The following RALYL variants were observed in gnomAD, a reference collection of about 807,000 sequenced individuals.
RALYL encodes RNA-binding Raly-like protein.
A neutral mutation model predicts 35.1 loss-of-function variants in RALYL; 29 were observed. The ratio of observed to expected loss-of-function variants is 0.83; its 90% confidence interval spans 0.61 to 1.13. The LOEUF (loss-of-function observed/expected upper bound fraction) is 1.13. Among genes scored for constraint, RALYL ranks in the 50% most tolerant of loss-of-function variants. The pLI, the probability that RALYL is intolerant of heterozygous loss-of-function variation, is 0.00. For synonymous variants in RALYL, 120 were observed against 127.6 expected, an observed-to-expected ratio of 0.94 and a Z score of 0.40; for missense variants, 359 against 360.4, an observed-to-expected ratio of 1.00 and a Z score of 0.03.
chr8:84,650,313 A>T (rs908691971), intron 2 of RALYL, among the ~76,000 whole-genome samples: 10 of 152,014 alleles, frequency 6.6e-5, no homozygotes, highest in Non-Finnish European at 1.3e-4. Flanking sequence ...AATTTTTGCA[A>T]CCTACTCATC....
intron 3 of RALYL, among the ~76,000 whole-genome samples, chr8:84,776,682 G>A (rs1317495070): frequency 6.6e-6 from 1 of 151,986 alleles, no homozygotes; most frequent in African/African-American, 2.4e-5. Context: ...TCAAAGAGTT[G>A]CTACTGTCTG....
In RALYL at chr8:84,252,426, G is replaced by A. The variant is rs906647329; in HGVS notation, c.-24+68002G>A. Among the ~76,000 whole-genome samples, 6 of 152,122 alleles carry A rather than the reference G, an allele frequency of 3.9e-5. No homozygotes were observed. The East Asian group carries it at 5.8e-4, about 15-fold the overall frequency. ...TAGAGGTTAAAGAAAACTCACAAAC[G>A]CCTACACGGTACAAGCTGGAAATGT... is the stretch of plus-strand genomic sequence containing the variant. On this transcript the variant is annotated intron_variant, in intron 1 of 8. Coordinates refer to ENST00000521268, the MANE Select transcript of RALYL (RefSeq NM_173848.7).
At chr8:84,331,974 G>A (rs543519265) in intron 1 of RALYL, among the ~76,000 whole-genome samples, 200 of 152,094 alleles carry the variant, frequency 1.3e-3, no homozygotes, top group Non-Finnish European at 2.3e-3. Flanking sequence ...TTTATGTTAC[G>A]AGGTTCTTAA....
chr8:84,608,265 ATGT>A (rs1817586832), intron 2 of RALYL, among the ~76,000 whole-genome samples: 1 of 151,952 alleles, frequency 6.6e-6, no homozygotes, highest in Admixed American at 6.6e-5. Flanking sequence ...CTGTTGGTGG[ATGT>A]TGTGGGCTTG....
chr8:84,701,100 G>C (rs1388908089), intron 2 of RALYL, among the ~76,000 whole-genome samples: 2 of 152,122 alleles, frequency 1.3e-5, no homozygotes, highest in East Asian at 3.9e-4. Context: ...CATCAGGGGC[G>C]CTGGGTGATA....
At chr8:84,406,577 G>A (rs112453685) in intron 1 of RALYL, among the ~76,000 whole-genome samples, 4,475 of 151,862 alleles carry the variant, frequency 0.029, 219 homozygotes, top group African/African-American at 0.1. Context: ...GCACTTCTGG[G>A]CATTTTCTTT....
intron 1 of RALYL, among the ~76,000 whole-genome samples, chr8:84,390,015 C>T (rs1860250640): frequency 6.6e-6 from 1 of 151,932 alleles, no homozygotes; most frequent in Non-Finnish European, 1.5e-5. Context: ...TGAGATACGT[C>T]CCATCAATAC....
intron 1 of RALYL, among the ~76,000 whole-genome samples, chr8:84,512,786 T>C (rs1564063700): frequency 6.6e-6 from 1 of 152,200 alleles, no homozygotes; most frequent in Non-Finnish European, 1.5e-5. Flanking sequence ...GAAGAGGGTG[T>C]ACTTTCTCCA....
chr8:84,413,049 T>C (rs1373124841), intron 1 of RALYL, among the ~76,000 whole-genome samples: 1 of 151,312 alleles, frequency 6.6e-6, no homozygotes, highest in Non-Finnish European at 1.5e-5. Flanking sequence ...ATTAAATGCT[T>C]ACTATCATCC....
chr8:84,590,539 G>A (rs549830399), intron 2 of RALYL, among the ~76,000 whole-genome samples: 3 of 152,202 alleles, frequency 2.0e-5, no homozygotes, highest in Non-Finnish European at 4.4e-5. Flanking sequence ...CTCATTCTCA[G>A]TTGAGAAGGA....
chr8:84,469,474 C>A (rs1267987254), intron 1 of RALYL, among the ~76,000 whole-genome samples: 1 of 152,168 alleles, frequency 6.6e-6, no homozygotes, highest in Non-Finnish European at 1.5e-5. Context: ...GGGACAGGGA[C>A]CCACTTGAGG....
At chr8:84,426,675 C>T (rs186051552) in intron 1 of RALYL, among the ~76,000 whole-genome samples, 11 of 151,942 alleles carry the variant, frequency 7.2e-5, no homozygotes, top group Non-Finnish European at 1.2e-4. Context: ...GACATTTTTT[C>T]AAAAGAAGAC....
At chr8:84,627,041 C>CTT (rs1822888102) in intron 2 of RALYL, among the ~76,000 whole-genome samples, 1 of 152,062 alleles carries the variant, frequency 6.6e-6, no homozygotes, top group Non-Finnish European at 1.5e-5. Flanking sequence ...ATTTATACTG[C>CTT]CTCTGGTACA....
intron 1 of RALYL, among the ~76,000 whole-genome samples, chr8:84,376,001 A>T (rs922438447): frequency 3.3e-5 from 5 of 151,914 alleles, no homozygotes; most frequent in Non-Finnish European, 7.4e-5. Context: ...TCCGAAAGTG[A>T]AAAGCTTCTA....
chr8:84,869,939 T>G (rs565922307), intron 6 of RALYL, among the ~76,000 whole-genome samples: 1 of 152,276 alleles, frequency 6.6e-6, no homozygotes, highest in South Asian at 2.1e-4. Flanking sequence ...TGTATCAGAA[T>G]GTAATAACAT....
chr8:84,754,976 C>T (rs1314643995), intron 2 of RALYL, among the ~76,000 whole-genome samples: 1 of 152,132 alleles, frequency 6.6e-6, no homozygotes, highest in African/African-American at 2.4e-5. Flanking sequence ...AGTTTGCAGT[C>T]TTACAAGAAG....
At chr8:84,214,535 G>A (rs988376399) in intron 1 of RALYL, among the ~76,000 whole-genome samples, 1 of 151,860 alleles carries the variant, frequency 6.6e-6, no homozygotes, top group African/African-American at 2.4e-5. Context: ...GACTTATTTT[G>A]CCCTTTTAGT....
chr8:84,459,578 A>C (rs2050514017), intron 1 of RALYL, among the ~76,000 whole-genome samples: 1 of 151,794 alleles, frequency 6.6e-6, no homozygotes, highest in Non-Finnish European at 1.5e-5. Context: ...TGTCCTTTGC[A>C]ATGGAGGAAT....
intron 1 of RALYL, among the ~76,000 whole-genome samples, chr8:84,453,749 C>T (rs191173959): frequency 1.3e-5 from 2 of 152,074 alleles, no homozygotes; most frequent in South Asian, 2.1e-4. Context: ...AATAAGCTGA[C>T]TAGTTTCATT....
Sources: allele counts gnomAD v4.1 joint callset (sites outside exome capture counted in the v4.1 genomes callset), GRCh38; gene constraint gnomAD v4.1.1; transcripts MANE v1.5; gene names NCBI Gene and HGNC (gene_info 2026-07-23, HGNC 2026-07-21).